Variants in NRG3 observed in about 807,000 individuals in gnomAD.
NRG3 encodes neuregulin 3, also known as pro-neuregulin-3, membrane-bound isoform.
A neutral mutation model predicts 66.9 loss-of-function variants in NRG3; 31 were observed. The ratio of observed to expected loss-of-function variants is 0.46; its 90% CI spans 0.35 to 0.63. The LOEUF (loss-of-function observed/expected upper bound fraction) is 0.63. NRG3 is among the 20% of genes least tolerant of loss of function. NRG3 has a pLI of 0.00. For synonymous variants in NRG3, 393 were observed against 359.4 expected, an observed-to-expected ratio of 1.09 and a Z score of -1.06; for missense variants, 910 against 878.9, an observed-to-expected ratio of 1.04 and a Z score of -0.45.
intron 2 of NRG3, among the ~76,000 whole-genome samples, chr10:82,528,074 A>G (rs1323051714): frequency 1.3e-5 from 2 of 152,136 alleles, no homozygotes; most frequent in East Asian, 1.9e-4. Flanking sequence ...GACAACAATA[A>G]TATCTCAAAA....
chr10:82,056,732 G>T (rs1233668230), intron 1 of NRG3, among the ~76,000 whole-genome samples: 1 of 152,070 alleles, frequency 6.6e-6, no homozygotes, highest in Non-Finnish European at 1.5e-5. Context: ...TTTGACTGTA[G>T]CTTTCAAAGA....
intron 1 of NRG3, among the ~76,000 whole-genome samples, chr10:82,162,550 T>TA (rs1437852710): frequency 1.3e-5 from 2 of 152,160 alleles, no homozygotes; most frequent in African/African-American, 2.4e-5. Flanking sequence ...TAAATCTTTC[T>TA]AAAGACAAGG....
intron 1 of NRG3, among the ~76,000 whole-genome samples, chr10:81,973,312 A>T (rs1204544478): frequency 4.6e-5 from 7 of 152,192 alleles, no homozygotes; most frequent in Middle Eastern, 3.2e-3. Flanking sequence ...TCTATCACTG[A>T]TGGACATTTA....
In NRG3 at chr10:82,811,559, T is replaced by TG. The variant is rs1429243869; in HGVS notation, c.1028-53851dup. ...TTGTGGAACAGGTGAAAAGTAAAGG[T>TG]GACAGGCAGTAGGAACCATTGGGAA... On this transcript the variant is annotated intron_variant, in intron 3 of 8. Transcript: ENST00000372141. Among the ~76,000 whole-genome samples the TG allele has an allele frequency of 3.3e-5, 5 of 152,328 alleles. No individual in the cohort carries two copies. The East Asian group carries it at 9.6e-4, about 29-fold the overall frequency.
chr10:81,894,165 A>T lies in NRG3; in HGVS notation c.823+18002A>T, dbSNP rs181331028. Among the ~76,000 whole-genome samples, 229 of 152,196 alleles carry T rather than the reference A, an allele frequency of 1.5e-3. 1 individual carries two copies. The highest frequency in any genetic ancestry group is 2.0e-3 in the Non-Finnish European group (139 of 68,012). ...AGACCAACCTGATCAACATGGCCAA[A>T]TCCCGTCTCCACTAAAAATACAAAA... On this transcript the variant is annotated intron_variant, in intron 1 of 8. Transcript: ENST00000372141.
At chr10:82,325,186 T>C (rs973175448) in intron 1 of NRG3, among the ~76,000 whole-genome samples, 1 of 151,956 alleles carries the variant, frequency 6.6e-6, no homozygotes, top group East Asian at 1.9e-4. Context: ...TTTTCTTTCT[T>C]CCTTTTTTTT....
At chr10:82,444,167 A>G (rs908518746) in intron 2 of NRG3, among the ~76,000 whole-genome samples, 2 of 152,232 alleles carry the variant, frequency 1.3e-5, no homozygotes, top group African/African-American at 2.4e-5. Context: ...CAGTGGCACA[A>G]TATCAGCTCA....
At chr10:81,938,867 CT>C (rs1308062360) in intron 1 of NRG3, among the ~76,000 whole-genome samples, 1 of 151,754 alleles carries the variant, frequency 6.6e-6, no homozygotes, top group Non-Finnish European at 1.5e-5. Context: ...TGAATTTTTT[CT>C]TGTTGAGTAT....
intron 1 of NRG3, among the ~76,000 whole-genome samples, chr10:82,185,025 T>C (rs1000958039): frequency 6.6e-6 from 1 of 152,108 alleles, no homozygotes; most frequent in East Asian, 1.9e-4. Flanking sequence ...ACATCTTGAG[T>C]CTATTACCTA....
chr10:82,749,813 A>T (rs1331632189), intron 3 of NRG3, among the ~76,000 whole-genome samples: 1 of 151,998 alleles, frequency 6.6e-6, no homozygotes, highest in Non-Finnish European at 1.5e-5. Flanking sequence ...AAGATGGAAA[A>T]TGGGGCCAAG....
chr10:82,315,734 C>T (rs1484041069), intron 1 of NRG3, among the ~76,000 whole-genome samples: 2 of 148,142 alleles, frequency 1.4e-5, no homozygotes, highest in East Asian at 2.0e-4. Context: ...GGCACCGTGT[C>T]GGCTCGCTGC....
At chr10:82,943,121 C>T (rs1018983265) in intron 4 of NRG3, among the ~76,000 whole-genome samples, 1 of 152,112 alleles carries the variant, frequency 6.6e-6, no homozygotes, top group Non-Finnish European at 1.5e-5. Context: ...TGACTTAATG[C>T]TGCTTCAAGA....
At chr10:82,266,034 G>A (rs2078276764) in intron 1 of NRG3, among the ~76,000 whole-genome samples, 1 of 152,136 alleles carries the variant, frequency 6.6e-6, no homozygotes, top group East Asian at 1.9e-4. Context: ...CATATTCAGA[G>A]ATGAGATTTT....
chr10:82,299,370 G>T (rs552037556), intron 1 of NRG3, among the ~76,000 whole-genome samples: 2 of 152,246 alleles, frequency 1.3e-5, no homozygotes, highest in South Asian at 4.2e-4. Context: ...AGTACAGAAA[G>T]GTTAAGTAAC....
At chr10:82,512,662 C>G (rs1488170407) in intron 2 of NRG3, among the ~76,000 whole-genome samples, 1 of 152,174 alleles carries the variant, frequency 6.6e-6, no homozygotes, top group South Asian at 2.1e-4. Flanking sequence ...TTTTATGTCA[C>G]TCCTTCATTG....
chr10:82,009,995 C>T (rs997245313), intron 1 of NRG3, among the ~76,000 whole-genome samples: 2 of 152,078 alleles, frequency 1.3e-5, no homozygotes, highest in African/African-American at 4.8e-5. Flanking sequence ...TTTTCTCTGC[C>T]CTGGAGAAGT....
intron 4 of NRG3, among the ~76,000 whole-genome samples, chr10:82,932,092 G>C (rs1847632444): frequency 6.6e-6 from 1 of 152,096 alleles, no homozygotes; most frequent in Non-Finnish European, 1.5e-5. Context: ...CAAATCTTCT[G>C]CAGCAGCACT....
Position 82,903,279 on chromosome 10 carries a change from G to A in NRG3, c.1054+37842G>A, listed in dbSNP as rs572052694. 1.2e-4 allele frequency among the ~76,000 whole-genome samples: 19 copies of A among 152,200 alleles called. No individual in the cohort carries two copies. In the South Asian group the frequency reaches 3.1e-3, roughly 25 times the overall value. ...TGTTGAGCGTGTTTGCTTAAAATAC[G>A]TGTGATACTAATCATCTCCATGTAA... On this transcript the variant is annotated intron_variant, in intron 4 of 8. Transcript: ENST00000372141.
chr10:82,377,474 G>C (rs1042454234), intron 2 of NRG3, among the ~76,000 whole-genome samples: 3 of 150,324 alleles, frequency 2.0e-5, no homozygotes, highest in Non-Finnish European at 3.0e-5. Flanking sequence ...GCGCACATGC[G>C]TGAGTTCATC....
Sources: allele counts gnomAD v4.1 joint callset (sites outside exome capture counted in the v4.1 genomes callset), GRCh38; gene constraint gnomAD v4.1.1; transcripts MANE v1.5; gene names NCBI Gene and HGNC (gene_info 2026-07-23, HGNC 2026-07-21).